Variants in CUZD1 observed in about 807,000 individuals in gnomAD.
The protein encoded by CUZD1 is CUB and zona pellucida like domains 1, also known as CUB and zona pellucida-like domain-containing protein 1.
Under a neutral mutation model 53.1 loss-of-function variants are expected in CUZD1, and 42 were observed. The ratio of observed to expected loss-of-function variants is 0.79; its 90% CI spans 0.62 to 1.02. The LOEUF is 1.02. CUZD1 is among the 50% of genes least tolerant of loss of function. The pLI is 0.00. For missense variants in CUZD1, 670 were observed against 715.7 expected (o/e 0.94, Z 0.73); for synonymous variants, 238 against 257.2 (o/e 0.93, Z 0.71).
At chr10:122,836,393 C>A in intron 5 of CUZD1, 43 bp from the exon 6 acceptor site, 3 of 1,471,124 alleles carry the variant, frequency 2.0e-6, no homozygotes, top group South Asian at 1.4e-5. Context: ...ATGTTTATGC[C>A]AGCTAGGAAT....
At chr10:122,838,922 A>C in intron 3 of CUZD1, 95 bp downstream of exon 3, 2 of 895,738 alleles carry the variant, frequency 2.2e-6, no homozygotes, top group Non-Finnish European at 3.6e-6. Flanking sequence ...CTGAGGGAAT[A>C]TACTCAGACT....
chr10:122,841,697 C>T (rs746768818), intron 1 of CUZD1, among the ~76,000 whole-genome samples: 2 of 152,162 alleles, frequency 1.3e-5, no homozygotes, highest in Non-Finnish European at 2.9e-5. Flanking sequence ...AAACCATTTG[C>T]CAGAGTAGCT....
In CUZD1 at chr10:122,836,247, A is replaced by G. The variant is rs941817339; in HGVS notation, c.921T>C (p.Thr307=). Residue 307 remains threonine (T), a synonymous_variant, in exon 6 of 9, where the codon ACT becomes ACC. Transcript: ENST00000392790. ...NGNNLQLKDP[T]CRPKLSNVVE... ...CAACATTTGATAATTTTGGTCTGCAAGTTGGGTCTTTTAGTTGCAAGTTAT... is the reference window on the plus strand; with the variant it reads ...CAACATTTGATAATTTTGGTCTGCAGGTTGGGTCTTTTAGTTGCAAGTTAT... 2 of 1,613,308 alleles carry G rather than the reference A, an allele frequency of 1.2e-6. No homozygotes were observed. Among genetic ancestry groups the G allele is most frequent in the Non-Finnish European group, 1.7e-6 (2 of 1,179,706 alleles).
intron 3 of CUZD1, 121 bp downstream of exon 3, chr10:122,838,896 T>G: frequency 1.4e-6 from 1 of 731,044 alleles, no homozygotes; most frequent in Non-Finnish European, 2.3e-6. Context: ...TACTGCTCTC[T>G]CAGATAGAGA....
In CUZD1 at chr10:122,833,839, TAC is replaced by T. The variant is rs1847199332; in HGVS notation, c.1482_1483del (p.Tyr495SerfsTer4). 1.2e-6 allele frequency: 2 copies of T among 1,613,926 alleles called. No individual in the cohort carries two copies. Among genetic ancestry groups the T allele is most frequent in the Non-Finnish European group, 1.7e-6 (2 of 1,179,836 alleles). ...ACATATCAAAACTTTACACTGCAGA[TAC>T]ACAGAGCTCATACTTCTCAAGAATT... is the stretch of plus-strand genomic sequence containing the variant. On this transcript the variant is annotated frameshift_variant, in exon 8 of 9. Transcript: ENST00000392790. LOFTEE classifies it high-confidence loss of function.
chr10:122,836,929 G>C lies in CUZD1; in HGVS notation c.719C>G (p.Ser240Ter), dbSNP rs1847261743. Reference protein sequence around the residue: ...GRVTPTFESSSNSLTVVLSTD... With the variant: ...GRVTPTFESS ...AGACAACACGACAGTCAGAGAGTTT[G>C]ATGACGATTCGAAGGTGGGAGTCAC... Residue 240 changes from serine (S) to a stop codon, truncating the protein, a stop_gained, in exon 5 of 9, where the codon TCA becomes TGA. Transcript: ENST00000392790. LOFTEE classifies it high-confidence loss of function. 6.2e-7 allele frequency: 1 copy of C among 1,614,102 alleles called. No individual in the cohort carries two copies. The highest frequency in any genetic ancestry group is 2.2e-5 in the East Asian group (1 of 44,890).
chr10:122,838,515 T>C (rs1012992994), intron 3 of CUZD1, among the ~76,000 whole-genome samples: 2 of 152,228 alleles, frequency 1.3e-5, no homozygotes, highest in African/African-American at 4.8e-5. Flanking sequence ...ATTCCCAGCA[T>C]GCACTCTCCA....
Position 122,832,459 on chromosome 10 carries a change from G to C in CUZD1, c.1652-9C>G. The C allele has an allele frequency of 6.2e-7, 1 of 1,610,946 alleles. No homozygotes were observed. The highest frequency in any genetic ancestry group is 8.5e-7 in the Non-Finnish European group (1 of 1,178,136). On this transcript the variant is annotated splice_polypyrimidine_tract_variant and intron_variant, in intron 8 of 8. Coordinates refer to ENST00000392790, the MANE Select transcript of CUZD1 (RefSeq NM_022034.6). ...TGTTTCATGCTGAAATCCTAAAATT[G>C]GAAACAAGATGAAAATCACTTTTTA...
chr10:122,840,658 T>C (rs1847326880), intron 2 of CUZD1, among the ~76,000 whole-genome samples: 1 of 152,098 alleles, frequency 6.6e-6, no homozygotes, highest in South Asian at 2.1e-4. Context: ...TGGGCACTTA[T>C]AAAAAGCACT....
In CUZD1 at chr10:122,839,071, C is replaced by A; in HGVS notation, c.394G>T (p.Ala132Ser). 6.2e-7 allele frequency: 1 copy of A among 1,614,100 alleles called. No homozygotes were observed. The change falls in exon 3 of 9, where the codon GCA (alanine) becomes TCA (serine). Residue 132 changes from alanine (A) to serine (S), a missense_variant. Coordinates refer to ENST00000392790, the MANE Select transcript of CUZD1 (RefSeq NM_022034.6). The part of the protein sequence containing the change: ...TLTFQIVTDS[A>S]RIQRTVFVFY... Reference sequence around the variant, plus strand: ...ACAAAGACAGTTCTTTGAATTCTTGCTGAGTCAGTAACTATTTGAAACGTC... The same window carrying A: ...ACAAAGACAGTTCTTTGAATTCTTGATGAGTCAGTAACTATTTGAAACGTC...
In CUZD1 at chr10:122,836,915, C is replaced by T; in HGVS notation, c.733G>A (p.Val245Ile). The T allele has an allele frequency of 1.2e-6, 2 of 1,614,082 alleles. No individual in the cohort carries two copies. Among genetic ancestry groups the T allele is most frequent in the Non-Finnish European group, 8.5e-7 (1 of 1,179,984 alleles). ...TFESSSNSLTVVLSTDYANSY... is the reference protein window; with the variant it reads ...TFESSSNSLTIVLSTDYANSY... ...TTGGCATAATCTGTAGACAACACGACAGTCAGAGAGTTTGATGACGATTCG... is the reference window on the plus strand; with the variant it reads ...TTGGCATAATCTGTAGACAACACGATAGTCAGAGAGTTTGATGACGATTCG... The change falls in exon 5 of 9, where the codon GTC becomes ATC. Residue 245 changes from valine to isoleucine, a missense_variant. Coordinates refer to ENST00000392790, the MANE Select transcript of CUZD1 (RefSeq NM_022034.6).
Position 122,845,839 on chromosome 10 carries a change from T to C in CUZD1, c.5A>G (p.Glu2Gly). 1 of 1,613,750 alleles carries C rather than the reference T, an allele frequency of 6.2e-7. No homozygotes were observed. Among genetic ancestry groups the C allele is most frequent in the East Asian group, 2.2e-5 (1 of 44,882 alleles). ...CAATGGCATGAGCCTTCTTACAAGC[T>C]CCATTTTGGCAAGGCGCTGGGCAGC... M[E>G]LVRRLMPLTL... The change falls in exon 1 of 9, where the codon GAG (glutamate) becomes GGG (glycine). Residue 2 changes from glutamate (E) to glycine (G), a missense_variant. Physicochemically the swap from Glu to Gly is moderately conservative, Grantham distance 98 (BLOSUM62 -2). Coordinates refer to ENST00000392790, the MANE Select transcript of CUZD1 (RefSeq NM_022034.6).
At chr10:122,839,928 G>T (rs1847311538) in intron 2 of CUZD1, among the ~76,000 whole-genome samples, 1 of 152,194 alleles carries the variant, frequency 6.6e-6, no homozygotes, top group South Asian at 2.1e-4. Context: ...CTTGGCTTCA[G>T]TTTTCTCATC....
intron 1 of CUZD1, among the ~76,000 whole-genome samples, chr10:122,842,548 T>A (rs1466170331): frequency 1.3e-5 from 2 of 152,222 alleles, no homozygotes; most frequent in Non-Finnish European, 2.9e-5. Context: ...ACATGACTGT[T>A]CCAACTTTAC....
Position 122,839,156 on chromosome 10 carries a change from T to C in CUZD1, c.309A>G (p.Leu103=), listed in dbSNP as rs1281787785. 6.2e-7 allele frequency: 1 copy of C among 1,612,442 alleles called. No homozygotes were observed. The highest frequency in any genetic ancestry group is 8.5e-7 in the Non-Finnish European group (1 of 1,178,940). Residue 103 remains leucine, a synonymous_variant, in exon 3 of 9, where the codon CTA becomes CTG. Coordinates refer to ENST00000392790, the MANE Select transcript of CUZD1 (RefSeq NM_022034.6). ...AGTCGTTTTTACTGCAGACTTGCCCTAGCAGAGGCCCATTGCTGGAGGTTC... is the reference window on the plus strand; with the variant it reads ...AGTCGTTTTTACTGCAGACTTGCCCCAGCAGAGGCCCATTGCTGGAGGTTC... The part of the protein sequence containing the change: ...FDGTSSNGPL[L]GQVCSKNDYV...
Position 122,835,068 on chromosome 10 carries a change from A to G in CUZD1, c.1020T>C (p.Asn340=). 1.3e-6 allele frequency: 2 copies of G among 1,598,070 alleles called. No homozygotes were observed. Among genetic ancestry groups the G allele is most frequent in the East Asian group, 2.2e-5 (1 of 44,674 alleles). The change falls in exon 7 of 9, where the codon AAT becomes AAC. Residue 340 remains asparagine (N), a synonymous_variant. Coordinates refer to ENST00000392790, the MANE Select transcript of CUZD1 (RefSeq NM_022034.6). ...TTGAGGATGCAGAAAAGGTGATTAT[A>G]TTGGTGTAAGTAATTGACTGATCTT... ...KVEDQSITYT[N]IITFSASSTS...
At chr10:122,835,197 A>C in intron 6 of CUZD1, 100 bp from the exon 7 acceptor site, 1 of 887,850 alleles carries the variant, frequency 1.1e-6, no homozygotes, top group Non-Finnish European at 1.7e-6. Flanking sequence ...TAATTTTCTT[A>C]AATCACGAGG....
chr10:122,837,353 C>A, intron 4 of CUZD1, 51 bp downstream of exon 4: 1 of 1,592,206 alleles, frequency 6.3e-7, no homozygotes, highest in Non-Finnish European at 8.6e-7. Context: ...CCCCCAGTTG[C>A]CAGGTGGGTT....
chr10:122,840,240 G>A (rs1847318981), intron 2 of CUZD1, among the ~76,000 whole-genome samples: 2 of 152,148 alleles, frequency 1.3e-5, no homozygotes, highest in African/African-American at 4.8e-5. Context: ...GTGGTACTTG[G>A]ACCTGCAGCA....
Sources: gnomAD v4.1 joint callset for allele counts (sites outside exome capture counted in the v4.1 genomes callset) on GRCh38, gnomAD v4.1.1 for gene constraint, MANE v1.5 for transcripts, NCBI Gene and HGNC (gene_info 2026-07-23, HGNC 2026-07-21) for gene names.